GULP1: variants seen among roughly 807,000 people sequenced by gnomAD.
GULP1 encodes PTB domain-containing engulfment adapter protein 1.
In GULP1, 19 loss-of-function variants were observed where a neutral mutation model predicts 40.9. The observed-to-expected ratio is 0.46, with a 90% CI of 0.32 to 0.68. The LOEUF is 0.68. Ranked by LOEUF, GULP1 falls within the 30% of genes least tolerant of loss-of-function variation. The pLI is 0.03. For missense variants in GULP1, 312 were observed against 362.2 expected, an observed-to-expected ratio of 0.86 and a Z score of 1.12; for synonymous variants, 119 against 117.6, an observed-to-expected ratio of 1.01 and a Z score of -0.08.
intron 2 of GULP1, among the ~76,000 whole-genome samples, chr2:188,388,154 A>G (rs1295011290): frequency 6.6e-6 from 1 of 151,566 alleles, no homozygotes; most frequent in African/African-American, 2.4e-5. Flanking sequence ...TCCTTGCGAT[A>G]GTTTACTGAG....
At chr2:188,462,778 A>G (rs4541224) in intron 2 of GULP1, among the ~76,000 whole-genome samples, 151,211 of 152,172 alleles carry the variant, frequency 0.99, 75,138 homozygotes, top group East Asian at 1. Context: ...TATATTCATT[A>G]TATATTTTTT....
intron 1 of GULP1, among the ~76,000 whole-genome samples, chr2:188,349,991 G>A (rs13412312): frequency 0.17 from 26,571 of 152,012 alleles, 2,393 homozygotes; most frequent in South Asian, 0.23. Flanking sequence ...ATTTGTCTTG[G>A]CACCTTTGCA....
At chr2:188,379,871 G>T (rs147910279) in intron 1 of GULP1, among the ~76,000 whole-genome samples, 80 of 152,204 alleles carry the variant, frequency 5.3e-4, no homozygotes, top group African/African-American at 1.9e-3. Flanking sequence ...TGCCATCCGT[G>T]GCTTTCCCCA....
intron 4 of GULP1, among the ~76,000 whole-genome samples, chr2:188,483,944 G>GGCC (rs1304423619): frequency 2.0e-5 from 3 of 152,010 alleles, no homozygotes; most frequent in Non-Finnish European, 4.4e-5. Context: ...ATTTTATTGA[G>GGCC]ATGAAGATGT....
chr2:188,378,561 T>A (rs2048601881), intron 1 of GULP1, among the ~76,000 whole-genome samples: 1 of 152,214 alleles, frequency 6.6e-6, no homozygotes, highest in Non-Finnish European at 1.5e-5. Context: ...CATCTGCTTC[T>A]GGTGAGGACT....
chr2:188,387,901 T>C (rs1439456171), intron 2 of GULP1, among the ~76,000 whole-genome samples: 3 of 152,110 alleles, frequency 2.0e-5, no homozygotes, highest in Non-Finnish European at 4.4e-5. Context: ...TTATTATACT[T>C]TAAGTTTTAG....
At chr2:188,550,014 T>C (rs1486216378) in intron 7 of GULP1, among the ~76,000 whole-genome samples, 1 of 151,800 alleles carries the variant, frequency 6.6e-6, no homozygotes, top group African/African-American at 2.4e-5. Flanking sequence ...CAAATTATTC[T>C]GTATTCTGAC....
chr2:188,314,024 T>C (rs2038652781), intron 1 of GULP1, among the ~76,000 whole-genome samples: 1 of 151,830 alleles, frequency 6.6e-6, no homozygotes, highest in South Asian at 2.1e-4. Context: ...AAAATACATA[T>C]AAAATAAAGT....
intron 2 of GULP1, among the ~76,000 whole-genome samples, chr2:188,475,420 A>C (rs1221865618): frequency 6.6e-6 from 1 of 151,882 alleles, no homozygotes; most frequent in African/African-American, 2.4e-5. Context: ...TTCTTGTTCC[A>C]TTTATATGCC....
In GULP1 at chr2:188,358,181, AAACAACAACAACAAC is replaced by A. The variant is rs201363968; in HGVS notation, c.-171-25567_-171-25553del. ...GGGTGACAGAGCGAGACTCCATCTC[AAACAACAACAACAAC>A]AACAACAACAACAATTCTTGTCAGT... On this transcript the variant is annotated intron_variant, in intron 1 of 11. Transcript: ENST00000409830. Among the ~76,000 whole-genome samples, 55 of 151,794 alleles carry A rather than the reference AAACAACAACAACAAC, an allele frequency of 3.6e-4. No homozygotes were observed. In the South Asian group the frequency reaches 0.011, roughly 31 times the overall value.
At chr2:188,452,776 C>CT (rs1213872080) in intron 2 of GULP1, among the ~76,000 whole-genome samples, 2 of 152,078 alleles carry the variant, frequency 1.3e-5, no homozygotes, top group African/African-American at 4.8e-5. Flanking sequence ...CCCACAGTCT[C>CT]TAACAGAATT....
chr2:188,385,531 T>G (rs993835230), intron 2 of GULP1, among the ~76,000 whole-genome samples: 5 of 152,224 alleles, frequency 3.3e-5, no homozygotes, highest in Admixed American at 3.3e-4. Flanking sequence ...TTGTTACTTA[T>G]GCAAATTTAT....
intron 10 of GULP1, among the ~76,000 whole-genome samples, chr2:188,587,554 T>C (rs529855303): frequency 6.6e-6 from 1 of 152,244 alleles, no homozygotes; most frequent in Non-Finnish European, 1.5e-5. Context: ...ATAGGTGTTG[T>C]AACATACAAT....
At chr2:188,423,038 G>T (rs1230311540) in intron 2 of GULP1, among the ~76,000 whole-genome samples, 1 of 152,050 alleles carries the variant, frequency 6.6e-6, no homozygotes, top group East Asian at 1.9e-4. Flanking sequence ...TGCTTTTCAA[G>T]AGTCAACTAA....
intron 2 of GULP1, among the ~76,000 whole-genome samples, chr2:188,456,910 G>C (rs976724831): frequency 2.0e-5 from 3 of 152,146 alleles, no homozygotes; most frequent in Non-Finnish European, 4.4e-5. Flanking sequence ...GTATGACTTG[G>C]ATGTGAGACA....
At chr2:188,537,147 T>C (rs995777113) in intron 6 of GULP1, among the ~76,000 whole-genome samples, 5 of 152,066 alleles carry the variant, frequency 3.3e-5, no homozygotes, top group Admixed American at 6.6e-5. Flanking sequence ...ATAGTTTGAC[T>C]TATTATTTTT....
chr2:188,293,017 A>G (rs944066900), intron 1 of GULP1: 1 of 152,280 alleles, frequency 6.6e-6, no homozygotes, highest in Non-Finnish European at 1.5e-5. Context: ...TGCGGGAGGG[A>G]ACTCTGGGCA....
intron 1 of GULP1, among the ~76,000 whole-genome samples, chr2:188,328,664 T>A (rs563239863): frequency 1.3e-5 from 2 of 152,204 alleles, no homozygotes; most frequent in African/African-American, 4.8e-5. Context: ...GAATAAGTAA[T>A]GTTTTTCTGA....
At chr2:188,543,995 G>T (rs1691234140) in intron 7 of GULP1, among the ~76,000 whole-genome samples, 1 of 151,958 alleles carries the variant, frequency 6.6e-6, no homozygotes, top group African/African-American at 2.4e-5. Flanking sequence ...TGACAGTGAG[G>T]ACCATTCAAC....
Sources: gnomAD v4.1 joint callset for allele counts (sites outside exome capture counted in the v4.1 genomes callset) on GRCh38, gnomAD v4.1.1 for gene constraint, MANE v1.5 for transcripts, NCBI Gene and HGNC (gene_info 2026-07-23, HGNC 2026-07-21) for gene names.